The following LRRC37A2 variants were observed in gnomAD, a reference collection of about 807,000 sequenced individuals.
The protein encoded by LRRC37A2 is leucine-rich repeat-containing protein 37A2.
In LRRC37A2, 9 loss-of-function variants were observed where a neutral mutation model predicts 68.8. The ratio of observed to expected loss-of-function variants is 0.13; its 90% CI spans 0.08 to 0.23. LRRC37A2 has a LOEUF of 0.23. LRRC37A2 is among the 10% of genes least tolerant of loss of function. The probability of loss-of-function intolerance (pLI) is 1.00; values close to 1 mark genes in which losing one functional copy is unlikely to be tolerated. For missense variants in LRRC37A2, 168 were observed against 950.4 expected (o/e 0.18, Z 10.82); for synonymous variants, 63 against 367.6 (o/e 0.17, Z 9.48).
the LRRC37A2 span, among the ~76,000 whole-genome samples, chr17:46,787,098 CTGCTAAGTTT>C: frequency 6.6e-6 from 1 of 152,156 alleles, no homozygotes; most frequent in South Asian, 2.1e-4. Context: ...CCACTATGCT[CTGCTAAGTTT>C]TTAAAATTTT....
chr17:46,817,289 G>A, the LRRC37A2 span, among the ~76,000 whole-genome samples: 13 of 152,200 alleles, frequency 8.5e-5, no homozygotes, highest in African/African-American at 1.2e-4. Flanking sequence ...GTACCGCACC[G>A]TGGTGGCACT....
chr17:46,724,984 C>A, the LRRC37A2 span, among the ~76,000 whole-genome samples: 4 of 152,018 alleles, frequency 2.6e-5, no homozygotes, highest in African/African-American at 4.8e-5. Context: ...TAAATTTATT[C>A]TTTTAGTAAA....
the LRRC37A2 span, chr17:46,875,387 C>T: frequency 4.5e-6 from 7 of 1,570,438 alleles, no homozygotes; most frequent in Admixed American, 3.5e-5. Flanking sequence ...CCCTGGCTGC[C>T]CGCAGTGCCT....
the LRRC37A2 span, chr17:46,755,327 A>ACCG: frequency 6.2e-7 from 1 of 1,613,550 alleles, no homozygotes; most frequent in South Asian, 1.1e-5. Flanking sequence ...GATCCTGAAT[A>ACCG]CCGTGTGAGA....
chr17:46,729,423 T>C, the LRRC37A2 span, among the ~76,000 whole-genome samples: 5 of 152,192 alleles, frequency 3.3e-5, no homozygotes, highest in Non-Finnish European at 5.9e-5. Context: ...TGTGGCACTT[T>C]TGAGGAGTGA....
At chr17:46,923,775 C>T in the LRRC37A2 span, 52 of 412,188 alleles carry the variant, frequency 1.3e-4, no homozygotes, top group African/African-American at 1.0e-3. Context: ...CTAAGAAAAT[C>T]AAATTGTAAT....
the LRRC37A2 span, among the ~76,000 whole-genome samples, chr17:47,001,914 G>T: frequency 6.6e-6 from 1 of 151,668 alleles, no homozygotes; most frequent in Admixed American, 6.6e-5. Context: ...TACAAATGTT[G>T]TATTTGTATT....
chr17:46,906,027 G>T, the LRRC37A2 span, among the ~76,000 whole-genome samples: 1 of 152,196 alleles, frequency 6.6e-6, no homozygotes, highest in African/African-American at 2.4e-5. Context: ...TGAAGAGGAA[G>T]CTCCTCCTGC....
the LRRC37A2 span, chr17:47,017,894 G>A: frequency 1.9e-6 from 3 of 1,612,394 alleles, no homozygotes; most frequent in Admixed American, 3.3e-5. Context: ...AAGACATCCA[G>A]TCCTCTTCAC....
chr17:46,828,311 C>G, the LRRC37A2 span, among the ~76,000 whole-genome samples: 1 of 152,108 alleles, frequency 6.6e-6, no homozygotes, highest in African/African-American at 2.4e-5. Flanking sequence ...ATCCTCTCAC[C>G]TCAGCTTCCC....
At chr17:47,031,144 T>TTGC in the LRRC37A2 span, among the ~76,000 whole-genome samples, 1 of 149,104 alleles carries the variant, frequency 6.7e-6, no homozygotes, top group Non-Finnish European at 1.5e-5. Context: ...ACTGGCCAAA[T>TTGC]TAGCAGGGTG....
chr17:46,755,918 G>GT, the LRRC37A2 span: 1 of 1,263,224 alleles, frequency 7.9e-7, no homozygotes, highest in Non-Finnish European at 1.1e-6. Flanking sequence ...ACTGGACTAA[G>GT]TGGAACGTTC....
the LRRC37A2 span, among the ~76,000 whole-genome samples, chr17:47,002,355 T>A: frequency 4.4e-3 from 666 of 151,562 alleles, 3 homozygotes; most frequent in Middle Eastern, 0.01. Flanking sequence ...TTACAAACAA[T>A]CCAATTATAC....
chr17:47,008,630 T>TG, the LRRC37A2 span, among the ~76,000 whole-genome samples: 33 of 151,812 alleles, frequency 2.2e-4, no homozygotes, highest in African/African-American at 7.2e-4. Flanking sequence ...CTAGTTTTTT[T>TG]TTTTGTTTTG....
chr17:46,932,197 A>G, the LRRC37A2 span: 1 of 1,614,060 alleles, frequency 6.2e-7, no homozygotes, highest in Non-Finnish European at 8.5e-7. Context: ...CTTCACCACT[A>G]ACGTAAGCCA....
At chr17:46,492,684 G>GTTTTGTTTTTT in the LRRC37A2 span, among the ~76,000 whole-genome samples, 1 of 127,858 alleles carries the variant, frequency 7.8e-6, no homozygotes. Context: ...TCAGGGTTTT[G>GTTTTGTTTTTT]TTTTGTTTTT....
chr17:46,737,133 A>G, the LRRC37A2 span, among the ~76,000 whole-genome samples: 2 of 152,220 alleles, frequency 1.3e-5, no homozygotes, highest in Non-Finnish European at 2.9e-5. Context: ...AAAAAGATGA[A>G]TAAGACATTG....
chr17:46,710,840 C>A, the LRRC37A2 span: 5 of 827,186 alleles, frequency 6.0e-6, no homozygotes, highest in Non-Finnish European at 8.8e-6. Flanking sequence ...GCTTTCCAGG[C>A]TTTTTATATT....
chr17:46,491,884 G>A, the LRRC37A2 span, among the ~76,000 whole-genome samples: 1 of 146,584 alleles, frequency 6.8e-6, no homozygotes, highest in African/African-American at 2.7e-5. Context: ...AATTATATTA[G>A]TAGATCTTAT....
Sources: gnomAD v4.1 joint callset for allele counts (sites outside exome capture counted in the v4.1 genomes callset) on GRCh38, gnomAD v4.1.1 for gene constraint, MANE v1.5 for transcripts, NCBI Gene and HGNC (gene_info 2026-07-23, HGNC 2026-07-21) for gene names.